The following CNTNAP2 variants were observed in gnomAD, a reference collection of about 807,000 sequenced individuals.
CNTNAP2 encodes contactin associated protein 2.
Under a neutral mutation model 155.2 loss-of-function variants are expected in CNTNAP2, and 98 were observed. That is an observed-to-expected ratio of 0.63 (90% CI 0.54 to 0.75). The LOEUF (loss-of-function observed/expected upper bound fraction) is 0.75. Among genes scored for constraint, CNTNAP2 ranks in the 30% least tolerant of loss-of-function variants. The pLI, the probability that CNTNAP2 is intolerant of heterozygous loss-of-function variation, is 0.00. For missense variants in CNTNAP2, 1,727 were observed against 1,688.1 expected (o/e 1.02, Z -0.40); for synonymous variants, 651 against 631.2 (o/e 1.03, Z -0.47).
At chr7:146,844,246 A>G (rs931363590) in intron 3 of CNTNAP2, among the ~76,000 whole-genome samples, 7 of 152,096 alleles carry the variant, frequency 4.6e-5, no homozygotes, top group Non-Finnish European at 1.0e-4. Context: ...TTCCTAAAGA[A>G]TGGTTTATCT....
chr7:147,786,968 C>T (rs1797750312), intron 13 of CNTNAP2, among the ~76,000 whole-genome samples: 2 of 148,540 alleles, frequency 1.3e-5, no homozygotes, highest in Non-Finnish European at 1.5e-5. Context: ...TATCCTGTCT[C>T]GAAGAAGGAA....
chr7:147,009,830 CA>C (rs1798591323), intron 3 of CNTNAP2, among the ~76,000 whole-genome samples: 1 of 151,992 alleles, frequency 6.6e-6, no homozygotes, highest in Non-Finnish European at 1.5e-5. Flanking sequence ...TCAACAAAAT[CA>C]GTCAGATTCT....
chr7:147,573,137 TTTCAGTGCCCCACATAA>T (rs1399331874), intron 12 of CNTNAP2, among the ~76,000 whole-genome samples: 12 of 152,176 alleles, frequency 7.9e-5, no homozygotes, highest in Non-Finnish European at 1.5e-4. Context: ...CCCTAAAACT[TTTCAGTGCCCCACATAA>T]ATGATTGCTG....
intron 1 of CNTNAP2, among the ~76,000 whole-genome samples, chr7:146,328,558 T>C (rs762049558): frequency 6.6e-6 from 1 of 151,096 alleles, no homozygotes; most frequent in Non-Finnish European, 1.5e-5. Flanking sequence ...GTGAGAACAC[T>C]TGGAATGCAT....
intron 12 of CNTNAP2, among the ~76,000 whole-genome samples, chr7:147,634,776 C>G (rs4475403): frequency 2.9e-4 from 44 of 152,066 alleles, no homozygotes; most frequent in Non-Finnish European, 5.1e-4. Flanking sequence ...TGCTACTTTT[C>G]TGCTCAAAAT....
intron 1 of CNTNAP2, among the ~76,000 whole-genome samples, chr7:146,716,336 A>T (rs891310827): frequency 1.3e-5 from 2 of 152,106 alleles, no homozygotes; most frequent in African/African-American, 4.8e-5. Context: ...CCTGGGGCTA[A>T]AAGAAGATCA....
chr7:148,147,620 G>A lies in CNTNAP2; in HGVS notation c.2684G>A (p.Ser895Asn). ...VTAERNVKQA[S>N]LQVDRLPQQI... is the part of the protein sequence containing the mutation. ...GCAGAGAGGAATGTCAAGCAGGCCA[G>A]CCTACAGGTGGACCGGCTACCGCAG... Residue 895 changes from serine to asparagine, a missense_variant, in exon 17 of 24, where the codon AGC (serine) becomes AAC (asparagine). Ser to Asn is a conservative substitution (Grantham distance 46). Coordinates refer to ENST00000361727, the MANE Select transcript of CNTNAP2 (RefSeq NM_014141.6). The A allele has an allele frequency of 6.2e-7, 1 of 1,614,106 alleles. No individual in the cohort carries two copies. Among genetic ancestry groups the A allele is most frequent in the East Asian group, 2.2e-5 (1 of 44,854 alleles).
chr7:147,773,264 C>A (rs574153502), intron 13 of CNTNAP2, among the ~76,000 whole-genome samples: 1 of 152,220 alleles, frequency 6.6e-6, no homozygotes, highest in Non-Finnish European at 1.5e-5. Context: ...CTCTTTATGA[C>A]AAGAGCCCAT....
At chr7:147,334,656 G>A (rs575193459) in intron 9 of CNTNAP2, among the ~76,000 whole-genome samples, 25 of 152,244 alleles carry the variant, frequency 1.6e-4, no homozygotes, top group Middle Eastern at 3.4e-3. Context: ...AGCAGAGCAC[G>A]GAAGCTGAGA....
intron 18 of CNTNAP2, among the ~76,000 whole-genome samples, chr7:148,191,221 A>G (rs1795198920): frequency 6.6e-6 from 1 of 151,960 alleles, no homozygotes; most frequent in African/African-American, 2.4e-5. Context: ...ATTCCTTATA[A>G]AAGAACAAGT....
At chr7:147,737,716 G>T (rs1796880138) in intron 13 of CNTNAP2, among the ~76,000 whole-genome samples, 1 of 152,202 alleles carries the variant, frequency 6.6e-6, no homozygotes, top group Admixed American at 6.5e-5. Context: ...CCTCAGCAAT[G>T]GCGGGCACCC....
At chr7:146,782,844 G>T (rs1034670994) in intron 2 of CNTNAP2, among the ~76,000 whole-genome samples, 1 of 152,120 alleles carries the variant, frequency 6.6e-6, no homozygotes, top group Non-Finnish European at 1.5e-5. Flanking sequence ...CAACACTATA[G>T]ATACCAACAT....
Position 146,929,814 on chromosome 7 carries a change from C to T in CNTNAP2, c.402+89910C>T, listed in dbSNP as rs1174623168. On this transcript the variant is annotated intron_variant, in intron 3 of 23. Transcript: ENST00000361727. ...AATGCAGAAGCCTCAGGAGCCAATGCGATCAACCGGAAGAAAGGGTATCAG... is the reference window on the plus strand; with the variant it reads ...AATGCAGAAGCCTCAGGAGCCAATGTGATCAACCGGAAGAAAGGGTATCAG... Among the ~76,000 whole-genome samples, 11 of 152,048 alleles carry T rather than the reference C, an allele frequency of 7.2e-5. No individual in the cohort carries two copies. The East Asian group carries it at 7.7e-4, about 11-fold the overall frequency.
At chr7:148,272,636 C>T (rs1318000153) in intron 21 of CNTNAP2, among the ~76,000 whole-genome samples, 1 of 151,422 alleles carries the variant, frequency 6.6e-6, no homozygotes, top group African/African-American at 2.4e-5. Flanking sequence ...AATTGCAGCA[C>T]TTAGATAAAA....
chr7:146,810,395 C>T (rs973925778), intron 2 of CNTNAP2, among the ~76,000 whole-genome samples: 1 of 149,938 alleles, frequency 6.7e-6, no homozygotes, highest in African/African-American at 2.5e-5. Context: ...GTGTATGGAC[C>T]TTTCACCTCC....
intron 10 of CNTNAP2, among the ~76,000 whole-genome samples, chr7:147,464,900 G>T (rs1011000307): frequency 2.6e-5 from 4 of 152,142 alleles, no homozygotes; most frequent in African/African-American, 9.7e-5. Context: ...TGGCCAAGAG[G>T]CTCAATTATA....
chr7:147,699,463 A>T (rs1370468608), intron 13 of CNTNAP2, among the ~76,000 whole-genome samples: 7 of 151,954 alleles, frequency 4.6e-5, no homozygotes, highest in Non-Finnish European at 8.8e-5. Context: ...GGTGGGGGGC[A>T]AGGGGAGAGA....
chr7:146,712,378 ATGTATAC>A (rs1801109723), intron 1 of CNTNAP2, among the ~76,000 whole-genome samples: 1 of 131,756 alleles, frequency 7.6e-6, no homozygotes, highest in African/African-American at 3.1e-5. Flanking sequence ...TACATATCTT[ATGTATAC>A]TATATATATA....
At position 147,614,985 on chromosome 7, in the gene CNTNAP2, G is replaced by T. The variant is rs115368827; in HGVS notation, c.1898-24121G>T. On this transcript the variant is annotated intron_variant, in intron 12 of 23. Transcript: ENST00000361727. ...TTAAGAATTCAAGCCACATGTGATG[G>T]CTTATAACTGTAGTCTCAGTAACTT... Among the ~76,000 whole-genome samples the T allele has an allele frequency of 5.3e-5, 8 of 151,332 alleles. 1 individual carries two copies. The South Asian group carries it at 1.7e-3, about 31-fold the overall frequency.
Sources: gnomAD v4.1 joint callset for allele counts (sites outside exome capture counted in the v4.1 genomes callset) on GRCh38, gnomAD v4.1.1 for gene constraint, MANE v1.5 for transcripts, NCBI Gene and HGNC (gene_info 2026-07-23, HGNC 2026-07-21) for gene names.